The following POC1A variants were observed in gnomAD, a reference collection of about 807,000 sequenced individuals.
POC1A encodes POC1 centriolar protein A, also known as POC1 centriolar protein homolog A.
POC1A carries 34 observed loss-of-function variants against 47.8 expected under a neutral mutation model. That is an observed-to-expected ratio of 0.71 (90% CI 0.54 to 0.95). The LOEUF (loss-of-function observed/expected upper bound fraction) is 0.95, where lower values mean the gene tolerates loss of function less well. POC1A is among the 40% of genes least tolerant of loss of function. The pLI is 0.00. For missense variants in POC1A, 466 were observed against 528.3 expected (o/e 0.88, Z 1.16); for synonymous variants, 177 against 207.6 (o/e 0.85, Z 1.27).
In POC1A at chr3:52,075,243, C is replaced by G. The variant is rs1008802366; in HGVS notation, c.*644G>C. 1 of 152,432 alleles carries G rather than the reference C, an allele frequency of 6.6e-6. No homozygotes were observed. The highest frequency in any genetic ancestry group is 1.5e-5 in the Non-Finnish European group (1 of 68,180). 9.4% of individuals were successfully genotyped at this position (152,432 alleles called of 1,614,324 possible). ...AAGTGTCATCCAGCATAAGCCACTC[C>G]TGCAACAAGTGCAATGAAGTCAGGT... On this transcript the variant is annotated 3_prime_UTR_variant, in exon 11 of 11. Coordinates refer to ENST00000296484, the MANE Select transcript of POC1A (RefSeq NM_015426.5).
intron 9 of POC1A, among the ~76,000 whole-genome samples, chr3:52,120,536 G>A (rs1242509058): frequency 6.6e-6 from 1 of 152,244 alleles, no homozygotes; most frequent in Non-Finnish European, 1.5e-5. Flanking sequence ...GCCTATGGGC[G>A]TATTCAGGTA....
At chr3:52,077,574 C>T (rs1702157325) in intron 10 of POC1A, among the ~76,000 whole-genome samples, 1 of 152,228 alleles carries the variant, frequency 6.6e-6, no homozygotes, top group Non-Finnish European at 1.5e-5. Flanking sequence ...CTGAAAGAGA[C>T]CATCACATTC....
At chr3:52,147,864 A>G (rs1460587396) in intron 4 of POC1A, among the ~76,000 whole-genome samples, 1 of 152,144 alleles carries the variant, frequency 6.6e-6, no homozygotes. Flanking sequence ...TTCATGAGCA[A>G]ATAGCCCCTC....
chr3:52,116,526 T>C (rs1466788061), intron 9 of POC1A, among the ~76,000 whole-genome samples: 1 of 152,206 alleles, frequency 6.6e-6, no homozygotes, highest in Non-Finnish European at 1.5e-5. Context: ...CTCTCTCATC[T>C]GGGAGCACAG....
intron 9 of POC1A, among the ~76,000 whole-genome samples, chr3:52,099,002 T>C (rs1467521147): frequency 6.6e-6 from 1 of 152,180 alleles, no homozygotes; most frequent in African/African-American, 2.4e-5. Flanking sequence ...TTCCCGGACA[T>C]GAGACAGCCT....
intron 9 of POC1A, among the ~76,000 whole-genome samples, chr3:52,118,857 G>A (rs1703665240): frequency 6.6e-6 from 1 of 152,174 alleles, no homozygotes. Flanking sequence ...GTGCCCATGA[G>A]CTCTTTGAGA....
intron 1 of POC1A, among the ~76,000 whole-genome samples, chr3:52,153,611 C>A (rs1214721576): frequency 6.6e-6 from 1 of 152,242 alleles, no homozygotes; most frequent in Non-Finnish European, 1.5e-5. Flanking sequence ...CAGGTCCACC[C>A]CTGACCAGTA....
intron 10 of POC1A, among the ~76,000 whole-genome samples, chr3:52,092,394 T>G (rs1042548237): frequency 6.6e-6 from 1 of 152,216 alleles, no homozygotes; most frequent in East Asian, 1.9e-4. Flanking sequence ...AGGGATGCTC[T>G]GGCCCACAGT....
At chr3:52,113,108 C>T (rs1703439520) in intron 9 of POC1A, among the ~76,000 whole-genome samples, 1 of 152,240 alleles carries the variant, frequency 6.6e-6, no homozygotes, top group Non-Finnish European at 1.5e-5. Flanking sequence ...TGTCTCTTCA[C>T]CATCACTGCC....
At chr3:52,108,421 C>T (rs1312601747) in intron 9 of POC1A, among the ~76,000 whole-genome samples, 1 of 152,162 alleles carries the variant, frequency 6.6e-6, no homozygotes, top group South Asian at 2.1e-4. Context: ...GGAACAGTAG[C>T]GGTTTATTTA....
intron 7 of POC1A, among the ~76,000 whole-genome samples, chr3:52,137,812 G>A (rs1407556964): frequency 6.6e-6 from 1 of 152,198 alleles, no homozygotes; most frequent in Non-Finnish European, 1.5e-5. Context: ...GCCAGTCCGA[G>A]GGCCTCCAGG....
At chr3:52,109,972 C>G (rs915576318) in intron 9 of POC1A, among the ~76,000 whole-genome samples, 2 of 152,120 alleles carry the variant, frequency 1.3e-5, no homozygotes, top group Non-Finnish European at 2.9e-5. Flanking sequence ...CTCTGTTGCC[C>G]TGCCACTGCC....
At chr3:52,087,473 C>T (rs1702498694) in intron 10 of POC1A, among the ~76,000 whole-genome samples, 1 of 152,142 alleles carries the variant, frequency 6.6e-6, no homozygotes, top group Non-Finnish European at 1.5e-5. Flanking sequence ...TCCCTTGAGC[C>T]TATGGTCCGC....
At position 52,097,259 on chromosome 3, in the gene POC1A, G is replaced by T. The variant is rs528980299; in HGVS notation, c.982-547C>A. On this transcript the variant is annotated intron_variant, in intron 9 of 10. Coordinates refer to ENST00000296484, the MANE Select transcript of POC1A (RefSeq NM_015426.5). ...AAGTGTGTGTGTGGCGGGGAGAGGG[G>T]TGTTCCAACCCCACCCTGGCCCAGA... is the stretch of plus-strand genomic sequence containing the variant. 3.8e-3 allele frequency among the ~76,000 whole-genome samples: 578 copies of T among 152,348 alleles called. 2 individuals carry two copies. Among genetic ancestry groups the T allele is most frequent in the Middle Eastern group, 0.017 (5 of 294 alleles).
At chr3:52,087,469 G>A (rs369766244) in intron 10 of POC1A, among the ~76,000 whole-genome samples, 6 of 152,104 alleles carry the variant, frequency 3.9e-5, no homozygotes, top group African/African-American at 1.4e-4. Context: ...TTGGTCCCTT[G>A]AGCCTATGGT....
intron 1 of POC1A, among the ~76,000 whole-genome samples, chr3:52,151,610 CAAAAAA>C (rs575884047): frequency 3.6e-5 from 2 of 55,834 alleles, no homozygotes; most frequent in African/African-American, 6.1e-5. Flanking sequence ...GACTCCGTCT[CAAAAAA>C]AAAAAAAAAA....
intron 9 of POC1A, among the ~76,000 whole-genome samples, chr3:52,103,017 C>G (rs113464243): frequency 0.017 from 2,522 of 152,318 alleles, 60 homozygotes; most frequent in African/African-American, 0.053. Context: ...TAGACACGTA[C>G]ATTAATGGAA....
chr3:52,096,121 G>A (rs1702805298), intron 10 of POC1A, among the ~76,000 whole-genome samples: 1 of 152,238 alleles, frequency 6.6e-6, no homozygotes, highest in Non-Finnish European at 1.5e-5. Flanking sequence ...CCAGGGCTTG[G>A]TGAACTAAAG....
chr3:52,138,255 A>C lies in POC1A; in HGVS notation c.727T>G (p.Tyr243Asp), dbSNP rs1249190763. The C allele has an allele frequency of 6.2e-7, 1 of 1,614,154 alleles. No individual in the cohort carries two copies. The highest frequency in any genetic ancestry group is 8.5e-7 in the Non-Finnish European group (1 of 1,180,000). The change falls in exon 7 of 11, where the codon TAC (tyrosine) becomes GAC (aspartate). Residue 243 changes from tyrosine (Y) to aspartate (D), a missense_variant. By Grantham distance (160) the Tyr-to-Asp change is radical. Transcript: ENST00000296484. ...GAGTCACTGGAGGCTGTGATCAGGT[A>C]GTTTCCCGACGGGTGGAAAGAGAGC... is the stretch of plus-strand genomic sequence containing the variant. ...NGLSFHPSGN[Y>D]LITASSDSTL...
Sources: allele counts gnomAD v4.1 joint callset (sites outside exome capture counted in the v4.1 genomes callset), GRCh38; gene constraint gnomAD v4.1.1; transcripts MANE v1.5; gene names NCBI Gene and HGNC (gene_info 2026-07-23, HGNC 2026-07-21).